C2orf49: variants seen among roughly 807,000 people sequenced by gnomAD.
The protein encoded by C2orf49 is tRNA splicing ligase complex subunit 2.
C2orf49 carries 11 observed loss-of-function variants against 20.6 expected under a neutral mutation model. The ratio of observed to expected loss-of-function variants is 0.53; its 90% CI spans 0.34 to 0.88. The LOEUF (loss-of-function observed/expected upper bound fraction) is 0.88. Ranked by LOEUF, C2orf49 falls within the 40% of genes least tolerant of loss-of-function variation. The probability of loss-of-function intolerance (pLI) is 0.02; values close to 1 mark genes in which losing one functional copy is unlikely to be tolerated. For missense variants in C2orf49, 289 were observed against 274.2 expected (o/e 1.05, Z -0.38); for synonymous variants, 134 against 108.5 (o/e 1.24, Z -1.46).
Position 105,343,026 on chromosome 2 carries a change from G to A in C2orf49, c.445G>A (p.Val149Ile). 4 of 1,614,184 alleles carry A rather than the reference G, an allele frequency of 2.5e-6. No homozygotes were observed. The highest frequency in any genetic ancestry group is 3.4e-6 in the Non-Finnish European group (4 of 1,180,032). ...FRKLSNSSSS[V>I]SPLILSSNLP... Reference sequence around the variant, plus strand: ...AAAATTATCAAATTCCTCTTCGAGTGTTTCACCCCTAATTTTGTCTTCCAA... The same window carrying A: ...AAAATTATCAAATTCCTCTTCGAGTATTTCACCCCTAATTTTGTCTTCCAA... Residue 149 changes from valine to isoleucine, a missense_variant, in exon 3 of 4, where the codon GTT (valine) becomes ATT (isoleucine). Transcript: ENST00000258457.
chr2:105,342,748 A>G (rs1196940487), intron 2 of C2orf49, 100 bp from the exon 3 acceptor site: 1 of 1,250,082 alleles, frequency 8.0e-7, no homozygotes, highest in Non-Finnish European at 1.1e-6. Flanking sequence ...TAGTCTTATC[A>G]GAAAATCTTT....
At chr2:105,367,316 T>C in the C2orf49 span, among the ~76,000 whole-genome samples, 1,871 of 152,278 alleles carry the variant, frequency 0.012, 50 homozygotes, top group African/African-American at 0.043. Flanking sequence ...CATAAGAACA[T>C]ATTTAGAAAT....
the C2orf49 span, among the ~76,000 whole-genome samples, chr2:105,365,538 T>G: frequency 6.6e-6 from 1 of 151,118 alleles, no homozygotes; most frequent in African/African-American, 2.4e-5. Flanking sequence ...CAAACCAAAA[T>G]AAAAATAAAA....
chr2:105,355,770 TTGTGTGTGTGTGTGTG>T, the C2orf49 span, among the ~76,000 whole-genome samples: 1,683 of 143,198 alleles, frequency 0.012, 39 homozygotes, highest in African/African-American at 0.042. Context: ...AGAAAAAATT[TTGTGTGTGTGTGTGTG>T]TGTGTGTGTG....
the C2orf49 span, among the ~76,000 whole-genome samples, chr2:105,364,187 CAG>C: frequency 1.8e-4 from 28 of 152,268 alleles, no homozygotes; most frequent in African/African-American, 6.3e-4. Context: ...ACCCTGGAAA[CAG>C]AGGTTGCAGT....
the C2orf49 span, chr2:105,359,004 T>C: frequency 3.3e-5 from 5 of 152,228 alleles, no homozygotes; most frequent in African/African-American, 1.2e-4. Flanking sequence ...GGCCTGCCAT[T>C]GGATAAAAGG....
At chr2:105,381,913 G>A in the C2orf49 span, among the ~76,000 whole-genome samples, 1 of 152,126 alleles carries the variant, frequency 6.6e-6, no homozygotes, top group East Asian at 1.9e-4. Flanking sequence ...AGCGAGGGAG[G>A]CCTGTGTTAC....
At chr2:105,344,021 G>T (rs1008335294) in intron 3 of C2orf49, among the ~76,000 whole-genome samples, 1 of 151,976 alleles carries the variant, frequency 6.6e-6, no homozygotes, top group Non-Finnish European at 1.5e-5. Flanking sequence ...TAAAATAGTA[G>T]ACTGGAAAAA....
the C2orf49 span, among the ~76,000 whole-genome samples, chr2:105,368,546 G>A: frequency 3.9e-5 from 6 of 151,990 alleles, no homozygotes; most frequent in East Asian, 7.7e-4. Context: ...CTAAACCTAC[G>A]CCATCCATTG....
At chr2:105,373,701 T>G in the C2orf49 span, 1 of 1,614,150 alleles carries the variant, frequency 6.2e-7, no homozygotes, top group Non-Finnish European at 8.5e-7. Flanking sequence ...GGAAACAGGC[T>G]TCATGCCAGT....
At chr2:105,375,383 T>C in the C2orf49 span, 12 of 152,244 alleles carry the variant, frequency 7.9e-5, no homozygotes, top group African/African-American at 2.4e-4. Flanking sequence ...CATCTGGGAA[T>C]AGGATTATTG....
the C2orf49 span, among the ~76,000 whole-genome samples, chr2:105,355,248 G>T: frequency 6.6e-6 from 1 of 152,174 alleles, no homozygotes; most frequent in Non-Finnish European, 1.5e-5. Context: ...GGGACACAGT[G>T]GGGTGGAGGC....
chr2:105,371,459 A>G, the C2orf49 span, among the ~76,000 whole-genome samples: 3 of 151,484 alleles, frequency 2.0e-5, no homozygotes, highest in Non-Finnish European at 4.4e-5. Context: ...CTGCAGTATC[A>G]TCTCTTCCCT....
the C2orf49 span, chr2:105,367,563 G>A: frequency 6.2e-7 from 1 of 1,609,032 alleles, no homozygotes; most frequent in Non-Finnish European, 8.5e-7. Context: ...GGGGGCATCT[G>A]AGATACCTTT....
At chr2:105,370,875 G>C in the C2orf49 span, among the ~76,000 whole-genome samples, 72 of 152,252 alleles carry the variant, frequency 4.7e-4, no homozygotes, top group East Asian at 0.012. Flanking sequence ...AGATTCAATG[G>C]GATTCTGTAA....
At chr2:105,350,309 A>AGAC (rs1433597753), downstream of C2orf49, among the ~76,000 whole-genome samples, 1 of 152,232 alleles carries the variant, frequency 6.6e-6, no homozygotes, top group African/African-American at 2.4e-5. Context: ...TAGAACAGAA[A>AGAC]GACTGGTGTG....
chr2:105,379,593 GC>G, the C2orf49 span, among the ~76,000 whole-genome samples: 2 of 152,138 alleles, frequency 1.3e-5, no homozygotes, highest in Non-Finnish European at 2.9e-5. Context: ...CATTCCCACT[GC>G]CCTTCCACCT....
chr2:105,363,751 A>G, the C2orf49 span, among the ~76,000 whole-genome samples: 1 of 152,192 alleles, frequency 6.6e-6, no homozygotes, highest in African/African-American at 2.4e-5. Context: ...AGGGTGCCTC[A>G]GTGGTGTTGC....
the C2orf49 span, chr2:105,363,609 A>G: frequency 3.9e-6 from 3 of 772,618 alleles, no homozygotes; most frequent in South Asian, 1.8e-5. Context: ...CTGCTTTACA[A>G]ACTTCACAGT....
Sources: gnomAD v4.1 joint callset for allele counts (sites outside exome capture counted in the v4.1 genomes callset) on GRCh38, gnomAD v4.1.1 for gene constraint, MANE v1.5 for transcripts, NCBI Gene and HGNC (gene_info 2026-07-23, HGNC 2026-07-21) for gene names.